EPHA5: variants seen among roughly 807,000 people sequenced by gnomAD.
EPHA5 encodes the protein ephrin type-A receptor 5.
Under a neutral mutation model 105.0 loss-of-function variants are expected in EPHA5, and 60 were observed. The ratio of observed to expected loss-of-function variants is 0.57; its 90% CI spans 0.46 to 0.71. The LOEUF is 0.71. Ranked by LOEUF, EPHA5 falls within the 30% of genes least tolerant of loss-of-function variation. The pLI is 0.00. For missense variants in EPHA5, 1,218 were observed against 1,274.7 expected, an observed-to-expected ratio of 0.96 and a Z score of 0.68; for synonymous variants, 513 against 449.1, an observed-to-expected ratio of 1.14 and a Z score of -1.80.
At chr4:65,484,825 G>A (rs1469007375) in intron 5 of EPHA5, among the ~76,000 whole-genome samples, 1 of 151,776 alleles carries the variant, frequency 6.6e-6, no homozygotes, top group African/African-American at 2.4e-5. Context: ...TTTGTAAAAA[G>A]ATAAAGAAAT....
At chr4:65,591,762 A>G (rs1400143179) in intron 3 of EPHA5, among the ~76,000 whole-genome samples, 1 of 152,096 alleles carries the variant, frequency 6.6e-6, no homozygotes, top group African/African-American at 2.4e-5. Context: ...TCTTCTGTTC[A>G]TTACAATGTT....
chr4:65,585,213 C>T (rs919869843), intron 3 of EPHA5, among the ~76,000 whole-genome samples: 1 of 150,196 alleles, frequency 6.7e-6, no homozygotes, highest in East Asian at 2.0e-4. Context: ...ATAGAATTTG[C>T]TATAAATGAA....
chr4:65,635,955 G>A (rs1747086011), intron 2 of EPHA5, among the ~76,000 whole-genome samples: 1 of 152,090 alleles, frequency 6.6e-6, no homozygotes, highest in Non-Finnish European at 1.5e-5. Flanking sequence ...ATTTTACAGA[G>A]TCTATTGGGT....
At chr4:65,654,261 T>A (rs1364656140) in intron 1 of EPHA5, among the ~76,000 whole-genome samples, 1 of 150,632 alleles carries the variant, frequency 6.6e-6, no homozygotes, top group Non-Finnish European at 1.5e-5. Flanking sequence ...AAAACAAAAC[T>A]ATTTTTAAGC....
At chr4:65,389,979 A>G (rs1020883221) in intron 8 of EPHA5, among the ~76,000 whole-genome samples, 1 of 151,994 alleles carries the variant, frequency 6.6e-6, no homozygotes, top group Non-Finnish European at 1.5e-5. Context: ...GGAAAAAAAA[A>G]CTACACTAAA....
chr4:65,621,542 T>C (rs1745705549), intron 2 of EPHA5, among the ~76,000 whole-genome samples: 1 of 152,198 alleles, frequency 6.6e-6, no homozygotes, highest in Non-Finnish European at 1.5e-5. Flanking sequence ...TTACAATGTA[T>C]ATAGTACTTT....
intron 14 of EPHA5, among the ~76,000 whole-genome samples, chr4:65,347,417 G>A (rs1161985534): frequency 6.6e-6 from 1 of 152,088 alleles, no homozygotes; most frequent in African/African-American, 2.4e-5. Context: ...AAATTACAAA[G>A]GGAAAGATTA....
chr4:65,498,827 C>A (rs1732198477), intron 3 of EPHA5, among the ~76,000 whole-genome samples: 1 of 151,564 alleles, frequency 6.6e-6, no homozygotes, highest in African/African-American at 2.4e-5. Context: ...AGAAAAAAAA[C>A]CTGTGTGGTT....
intron 5 of EPHA5, among the ~76,000 whole-genome samples, chr4:65,429,226 A>G (rs763559072): frequency 6.6e-5 from 10 of 152,060 alleles, no homozygotes; most frequent in Non-Finnish European, 1.0e-4. Flanking sequence ...GAAAACTTTA[A>G]TCAGCTCAGT....
chr4:65,535,136 T>C (rs1189320921), intron 3 of EPHA5, among the ~76,000 whole-genome samples: 1 of 152,212 alleles, frequency 6.6e-6, no homozygotes, highest in Admixed American at 6.5e-5. Context: ...ACATGTGAAC[T>C]AAAATCAAAT....
chr4:65,499,615 A>G (rs1004641793), intron 3 of EPHA5, among the ~76,000 whole-genome samples: 10 of 151,558 alleles, frequency 6.6e-5, no homozygotes, highest in African/African-American at 9.6e-5. Context: ...CTCTTTTAGG[A>G]AACTCCAGAT....
Position 65,321,744 on chromosome 4 carries a change from A to T in EPHA5, c.*2370T>A, listed in dbSNP as rs951503451. 1.3e-5 allele frequency: 3 copies of T among 228,392 alleles called. No homozygotes were observed. Among genetic ancestry groups the T allele is most frequent in the African/African-American group, 6.7e-5 (3 of 45,052 alleles). The allele number at this position is 228,392 out of a possible 1,614,324, so 14.1% of individuals were successfully genotyped here. ...GCAACTTAAAGTTCTAGTCATTTAGATACACTCCACCCGGACCTCCTAATT... is the reference window on the plus strand; with the variant it reads ...GCAACTTAAAGTTCTAGTCATTTAGTTACACTCCACCCGGACCTCCTAATT... On this transcript the variant is annotated 3_prime_UTR_variant, in exon 17 of 17. Coordinates refer to ENST00000613740, the MANE Select transcript of EPHA5 (RefSeq NM_001281766.3).
chr4:65,362,603 C>T (rs973371441), intron 11 of EPHA5, among the ~76,000 whole-genome samples: 3 of 151,618 alleles, frequency 2.0e-5, no homozygotes, highest in Admixed American at 6.6e-5. Context: ...AAATTTAAAA[C>T]TGCCTTTCTA....
At chr4:65,524,235 G>C (rs1735026294) in intron 3 of EPHA5, among the ~76,000 whole-genome samples, 1 of 151,720 alleles carries the variant, frequency 6.6e-6, no homozygotes, top group Non-Finnish European at 1.5e-5. Flanking sequence ...GTTTCAAAGT[G>C]ACCGAATAAA....
At chr4:65,354,214 C>A (rs1216811320) in intron 11 of EPHA5, among the ~76,000 whole-genome samples, 1 of 151,782 alleles carries the variant, frequency 6.6e-6, no homozygotes, top group Non-Finnish European at 1.5e-5. Flanking sequence ...AAGGATTTAA[C>A]ATTTTAAAAA....
chr4:65,669,546 A>G lies in EPHA5; in HGVS notation c.181+16T>C. On this transcript the variant is annotated intron_variant, in intron 1 of 16. Transcript: ENST00000613740. ...TCCGCCCCAGGTCGCCACGGTCCCC[A>G]CCCCCATCTCCCTACCTTCGTTGCT... The G allele has an allele frequency of 7.3e-7, 1 of 1,371,626 alleles. No individual in the cohort carries two copies. The highest frequency in any genetic ancestry group is 9.5e-7 in the Non-Finnish European group (1 of 1,056,108). The allele number at this position is 1,371,626 out of a possible 1,614,324, so 85.0% of individuals were successfully genotyped here.
chr4:65,603,250 G>T (rs138678804), intron 2 of EPHA5, among the ~76,000 whole-genome samples: 2 of 151,888 alleles, frequency 1.3e-5, no homozygotes, highest in African/African-American at 4.8e-5. Flanking sequence ...TGAGAATCTC[G>T]ATGTACCATA....
chr4:65,647,098 G>C (rs1748173446), intron 1 of EPHA5, among the ~76,000 whole-genome samples: 2 of 151,988 alleles, frequency 1.3e-5, no homozygotes, highest in African/African-American at 2.4e-5. Context: ...GGAGGCTGAG[G>C]CGGGTGGATC....
At chr4:65,650,221 T>C (rs1748468817) in intron 1 of EPHA5, among the ~76,000 whole-genome samples, 1 of 152,064 alleles carries the variant, frequency 6.6e-6, no homozygotes, top group Non-Finnish European at 1.5e-5. Context: ...TGTGCTCCCA[T>C]GTTCCCTAGT....
Sources: allele counts gnomAD v4.1 joint callset (sites outside exome capture counted in the v4.1 genomes callset), GRCh38; gene constraint gnomAD v4.1.1; transcripts MANE v1.5; gene names NCBI Gene and HGNC (gene_info 2026-07-23, HGNC 2026-07-21).